The following VPS53 variants were observed in gnomAD, a reference collection of about 807,000 sequenced individuals.
The protein encoded by VPS53 is vacuolar protein sorting-associated protein 53 homolog.
In VPS53, 70 loss-of-function variants were observed where a neutral mutation model predicts 107.0. The ratio of observed to expected loss-of-function variants is 0.65; its 90% CI spans 0.54 to 0.80. The LOEUF is 0.80. Ranked by LOEUF, VPS53 falls within the 30% of genes least tolerant of loss-of-function variation. The probability of loss-of-function intolerance (pLI) is 0.00; values close to 1 mark genes in which losing one functional copy is unlikely to be tolerated. For missense variants in VPS53, 917 were observed against 1,049.4 expected (o/e 0.87, Z 1.74); for synonymous variants, 409 against 393.3 (o/e 1.04, Z -0.47).
chr17:519,336 G>A lies in VPS53; in HGVS notation c.2329-38C>T. The A allele has an allele frequency of 6.9e-7, 1 of 1,447,206 alleles. No homozygotes were observed. Among genetic ancestry groups the A allele is most frequent in the Admixed American group, 2.9e-5 (1 of 34,344 alleles). The allele number at this position is 1,447,206 out of a possible 1,614,324, so 89.6% of individuals were successfully genotyped here. On this transcript the variant is annotated intron_variant, in intron 21 of 21. Transcript: ENST00000437048. The surrounding 1 kb of genome is among the most constrained non-coding windows in gnomAD (Gnocchi z 5.0). ...GAGAAACAGAACCGTCACGAAGTCT[G>A]GGCCAGAATGGCCCACGGGGGACAG...
intron 13 of VPS53, among the ~76,000 whole-genome samples, chr17:563,140 T>A (rs909593848): frequency 2.0e-5 from 3 of 152,134 alleles, no homozygotes; most frequent in African/African-American, 7.2e-5. Flanking sequence ...AATACTAAAG[T>A]AAGAAACTAA....
chr17:637,626 C>T (rs1970250946), intron 7 of VPS53, among the ~76,000 whole-genome samples: 1 of 152,162 alleles, frequency 6.6e-6, no homozygotes, highest in East Asian at 1.9e-4. Flanking sequence ...GTATCTTGTT[C>T]TCATTGGTTT....
intron 7 of VPS53, among the ~76,000 whole-genome samples, chr17:635,533 TA>T (rs1970162278): frequency 6.6e-6 from 1 of 152,254 alleles, no homozygotes; most frequent in Admixed American, 6.5e-5. Context: ...GTTTTAGGTC[TA>T]ACATTTAAGT....
Position 512,630 on chromosome 17 carries a change from TGAAAA to T in VPS53, c.*6493_*6497del, listed in dbSNP as rs1908017854. 6.6e-6 allele frequency: 1 copy of T among 152,130 alleles called. No individual in the cohort carries two copies. The highest frequency in any genetic ancestry group is 6.5e-5 in the Admixed American group (1 of 15,270). 9.4% of individuals were successfully genotyped at this position (152,130 alleles called of 1,614,324 possible). A position where few individuals can be genotyped will look rare whatever the true frequency, so the allele number is the denominator to read the frequency against. On this transcript the variant is annotated 3_prime_UTR_variant, in exon 22 of 22. Coordinates refer to ENST00000437048, the MANE Select transcript of VPS53 (RefSeq NM_001128159.3). The stretch of plus-strand genomic sequence containing the variant: ...CTTCCCTAGTAAAGTGGGGAGCTGT[TGAAAA>T]GAAAGAATGGAAACGAGGTAATGAT...
Position 537,062 on chromosome 17 carries a change from T to G in VPS53, c.1981A>C (p.Lys661Gln). 1.2e-6 allele frequency: 2 copies of G among 1,614,124 alleles called. No homozygotes were observed. Among genetic ancestry groups the G allele is most frequent in the Non-Finnish European group, 1.7e-6 (2 of 1,180,024 alleles). The change falls in exon 18 of 22, where the codon AAG becomes CAG. Residue 661 changes from lysine to glutamine, a missense_variant. Lys to Gln is a moderately conservative substitution (Grantham distance 53). Coordinates refer to ENST00000437048, the MANE Select transcript of VPS53 (RefSeq NM_001128159.3). ...IIRDNLASTRKYFTQFCVKFA... is the reference protein window; with the variant it reads ...IIRDNLASTRQYFTQFCVKFA... The stretch of plus-strand genomic sequence containing the variant: ...TTAACGCAGAACTGAGTGAAGTACT[T>G]GCGTGTGGAAGCCAGGTTGTCACGG...
intron 11 of VPS53, among the ~76,000 whole-genome samples, chr17:620,476 G>A (rs1016988403): frequency 1.3e-5 from 2 of 152,142 alleles, no homozygotes; most frequent in East Asian, 1.9e-4. Flanking sequence ...GCCTGCCCCC[G>A]GCTTCAACCA....
chr17:624,099 C>G (rs1223259008), intron 10 of VPS53, among the ~76,000 whole-genome samples: 2 of 151,694 alleles, frequency 1.3e-5, no homozygotes, highest in Non-Finnish European at 2.9e-5. Context: ...CTCAAGAGAT[C>G]CGCCCACCTC....
At chr17:551,652 C>G (rs1327645774) in intron 17 of VPS53, 1 of 334,220 alleles carries the variant, frequency 3.0e-6, no homozygotes, top group Admixed American at 4.7e-5. Flanking sequence ...TTGCCATCCT[C>G]CAATACTGTG....
At chr17:620,583 G>GTGAC (rs1969427368) in intron 11 of VPS53, among the ~76,000 whole-genome samples, 1 of 152,144 alleles carries the variant, frequency 6.6e-6, no homozygotes, top group South Asian at 2.1e-4. Context: ...ATGAAGCACA[G>GTGAC]TGACTGACTG....
chr17:658,322 C>A (rs2657627), intron 5 of VPS53, among the ~76,000 whole-genome samples: 39 of 77,546 alleles, frequency 5.0e-4, no homozygotes, highest in Admixed American at 4.1e-4. Context: ...TGAAGTGAGA[C>A]ACTCGGCCGT....
rs901381058 is a variant in VPS53 at position 519,029 on chromosome 17, G to A, written c.*99C>T. ...ACATGTCCCAGGAAGTTTGAAGACC[G>A]ACGATGTGAGAGTGCCGGGGAGCAC... On this transcript the variant is annotated 3_prime_UTR_variant, in exon 22 of 22. Coordinates refer to ENST00000437048, the MANE Select transcript of VPS53 (RefSeq NM_001128159.3). This position sits in a 1 kb window ranked among gnomAD's most constrained non-coding sequence, Gnocchi z 5.0. The A allele has an allele frequency of 7.1e-5, 93 of 1,318,408 alleles. No individual in the cohort carries two copies. The highest frequency in any genetic ancestry group is 3.2e-5 in the Admixed American group (1 of 31,650). 81.7% of individuals were successfully genotyped at this position (1,318,408 alleles called of 1,614,324 possible).
chr17:556,694 A>G (rs947186197), intron 15 of VPS53, among the ~76,000 whole-genome samples: 1 of 152,180 alleles, frequency 6.6e-6, no homozygotes, highest in Admixed American at 6.5e-5. Context: ...TTTATTAAGC[A>G]CTTATTACGT....
chr17:563,974 G>A (rs1300140245), intron 13 of VPS53, among the ~76,000 whole-genome samples: 1 of 152,266 alleles, frequency 6.6e-6, no homozygotes, highest in African/African-American at 2.4e-5. Flanking sequence ...TACGGGCAGA[G>A]TGTGGTGGCT....
intron 19 of VPS53, among the ~76,000 whole-genome samples, chr17:531,763 G>T (rs1478182924): frequency 6.9e-6 from 1 of 145,380 alleles, no homozygotes; most frequent in Non-Finnish European, 1.5e-5. Flanking sequence ...TCCCATCACT[G>T]GGATTTATTC....
rs368777400 is a variant in VPS53, at chr17:654,557, C to T, written c.489-1147G>A. Among the ~76,000 whole-genome samples the T allele has an allele frequency of 6.4e-3, 975 of 151,552 alleles. 11 individuals are homozygous for T. The highest frequency in any genetic ancestry group is 0.022 in the African/African-American group (913 of 41,350). ...ATCGAGACCATCCTGGCTAACACGG[C>T]GAAACCCCGTCTCTACTAAAAATAC... On this transcript the variant is annotated intron_variant, in intron 6 of 21. Transcript: ENST00000437048.
chr17:521,803 C>A, intron 19 of VPS53, 65 bp from the exon 20 acceptor site: 2 of 1,373,648 alleles, frequency 1.5e-6, no homozygotes, highest in Non-Finnish European at 1.9e-6. Context: ...TGGACTCATG[C>A]CGATGAGTCA....
chr17:522,090 CA>C (rs1315829446), intron 19 of VPS53, among the ~76,000 whole-genome samples: 1 of 151,924 alleles, frequency 6.6e-6, no homozygotes, highest in Non-Finnish European at 1.5e-5. Context: ...CCCGCCTCTA[CA>C]AAAAATGCAA....
chr17:542,750 A>G (rs1910796626), intron 17 of VPS53, among the ~76,000 whole-genome samples: 1 of 152,168 alleles, frequency 6.6e-6, no homozygotes, highest in Non-Finnish European at 1.5e-5. Flanking sequence ...AGGCCAAGGC[A>G]GGTGGATCAC....
At chr17:609,635 T>G (rs1282323889) in intron 11 of VPS53, among the ~76,000 whole-genome samples, 1 of 152,206 alleles carries the variant, frequency 6.6e-6, no homozygotes, top group Admixed American at 6.5e-5. Context: ...TTTTAAATCT[T>G]AACTGCATTT....
Sources: gnomAD v4.1 joint callset for allele counts (sites outside exome capture counted in the v4.1 genomes callset) on GRCh38, gnomAD v4.1.1 for gene constraint, Gnocchi (gnomAD v3.1) non-coding constraint, MANE v1.5 for transcripts, NCBI Gene and HGNC (gene_info 2026-07-23, HGNC 2026-07-21) for gene names.